The following PUM3 variants were observed in gnomAD, a reference collection of about 807,000 sequenced individuals.
PUM3 encodes pumilio homolog 3.
PUM3 carries 91 observed loss-of-function variants against 84.0 expected under a neutral mutation model. The ratio of observed to expected loss-of-function variants is 1.08; its 90% CI spans 0.91 to 1.29. The LOEUF is 1.29. Among genes scored for constraint, PUM3 ranks in the 50% most tolerant of loss-of-function variants. The pLI is 0.00. For synonymous variants in PUM3, 321 were observed against 266.7 expected (o/e 1.20, Z -1.98); for missense variants, 1,067 against 767.5 (o/e 1.39, Z -4.61).
chr9:2,825,495 T>C (rs1168277053), intron 10 of PUM3, among the ~76,000 whole-genome samples: 2 of 152,146 alleles, frequency 1.3e-5, no homozygotes, highest in African/African-American at 2.4e-5. Flanking sequence ...TTTTCTTTTT[T>C]TTTTGGAGAC....
intron 17 of PUM3, among the ~76,000 whole-genome samples, chr9:2,805,074 T>C (rs888937746): frequency 6.6e-6 from 1 of 152,210 alleles, no homozygotes; most frequent in African/African-American, 2.4e-5. Flanking sequence ...GAGCATGCTA[T>C]GTAAACTCTC....
intron 17 of PUM3, among the ~76,000 whole-genome samples, chr9:2,807,109 G>A (rs1053904639): frequency 3.9e-5 from 6 of 152,090 alleles, no homozygotes; most frequent in African/African-American, 1.4e-4. Flanking sequence ...TCAGGAGGCT[G>A]AGGCAGGAGA....
intron 10 of PUM3, among the ~76,000 whole-genome samples, chr9:2,826,496 C>T (rs933305149): frequency 2.0e-5 from 3 of 152,050 alleles, no homozygotes; most frequent in Admixed American, 1.3e-4. Context: ...TTTCATTATC[C>T]CTTGTGATTG....
intron 16 of PUM3, 38 bp from the exon 17 acceptor site, chr9:2,807,942 T>A (rs1004207306): frequency 1.6e-6 from 2 of 1,263,850 alleles, no homozygotes; most frequent in African/African-American, 2.9e-5. Context: ...CATCACATAA[T>A]AAGATATATA....
At chr9:2,840,267 T>C (rs908721328) in intron 1 of PUM3, among the ~76,000 whole-genome samples, 1 of 152,222 alleles carries the variant, frequency 6.6e-6, no homozygotes, top group East Asian at 1.9e-4. Context: ...AACCTTTCCA[T>C]CTTTATTAGA....
chr9:2,836,524 C>T (rs1312492768), intron 3 of PUM3, among the ~76,000 whole-genome samples: 1 of 152,170 alleles, frequency 6.6e-6, no homozygotes, highest in Non-Finnish European at 1.5e-5. Context: ...AAGCACGAGA[C>T]CTGCCAATAC....
chr9:2,841,612 T>C (rs781433932), intron 1 of PUM3, among the ~76,000 whole-genome samples: 9 of 151,910 alleles, frequency 5.9e-5, no homozygotes, highest in Non-Finnish European at 1.3e-4. Context: ...TCAGACAAGA[T>C]GTTTGGAGAA....
At chr9:2,829,139 A>C (rs1563832721) in intron 8 of PUM3, among the ~76,000 whole-genome samples, 1 of 152,246 alleles carries the variant, frequency 6.6e-6, no homozygotes, top group Non-Finnish European at 1.5e-5. Context: ...TGTTAACAAA[A>C]TTAGTACAGC....
chr9:2,818,104 G>C (rs1182973526), intron 13 of PUM3, among the ~76,000 whole-genome samples: 1 of 152,246 alleles, frequency 6.6e-6, no homozygotes, highest in Admixed American at 6.5e-5. Flanking sequence ...GCAACACTAA[G>C]CTTTCCTGGT....
chr9:2,817,225 C>T (rs776785874), intron 13 of PUM3, among the ~76,000 whole-genome samples: 1 of 152,122 alleles, frequency 6.6e-6, no homozygotes, highest in Non-Finnish European at 1.5e-5. Context: ...GAAAATAAAT[C>T]GCAGTATAGT....
intron 17 of PUM3, among the ~76,000 whole-genome samples, chr9:2,805,101 C>T (rs528697218): frequency 6.6e-6 from 1 of 152,308 alleles, no homozygotes; most frequent in South Asian, 2.1e-4. Flanking sequence ...CTCAGTTTCC[C>T]GAATTGTAGA....
intron 2 of PUM3, 125 bp from the exon 3 acceptor site, chr9:2,837,526 C>T: frequency 1.6e-6 from 1 of 632,384 alleles, no homozygotes; most frequent in Non-Finnish European, 2.7e-6. Flanking sequence ...CTCAAATATG[C>T]AACATATAGC....
Position 2,828,668 on chromosome 9 carries a change from T to C in PUM3, c.956+7A>G. ...TCTTAAGAACAAAACAAAAACAACT[T>C]TCTTACTTTTGGGCCATTGGAGTTA... On this transcript the variant is annotated splice_region_variant and intron_variant, in intron 9 of 17. Transcript: ENST00000397885. The C allele has an allele frequency of 4.6e-6, 7 of 1,513,466 alleles. No homozygotes were observed. The highest frequency in any genetic ancestry group is 6.4e-6 in the Non-Finnish European group (7 of 1,091,932). The allele number at this position is 1,513,466 out of a possible 1,614,324, so 93.8% of individuals were successfully genotyped here.
chr9:2,822,579 T>C (rs1324236172), intron 12 of PUM3, among the ~76,000 whole-genome samples: 1 of 151,584 alleles, frequency 6.6e-6, no homozygotes, highest in Admixed American at 6.6e-5. Context: ...TTTTAAAATG[T>C]TATACTCTTA....
intron 10 of PUM3, 38 bp downstream of exon 10, chr9:2,827,034 CT>C: frequency 6.6e-7 from 1 of 1,520,304 alleles, no homozygotes; most frequent in African/African-American, 1.4e-5. Flanking sequence ...ACCGCTCCTC[CT>C]CCATGTTTTA....
chr9:2,819,819 A>C (rs1366817414), intron 13 of PUM3, among the ~76,000 whole-genome samples, 199 bp downstream of exon 13: 1 of 152,202 alleles, frequency 6.6e-6, no homozygotes, highest in Non-Finnish European at 1.5e-5. Context: ...AAACAGTATT[A>C]ATATCAAGTT....
chr9:2,812,555 A>G (rs748770769), intron 13 of PUM3, among the ~76,000 whole-genome samples, 193 bp from the exon 14 acceptor site: 5 of 152,196 alleles, frequency 3.3e-5, no homozygotes, highest in African/African-American at 4.8e-5. Flanking sequence ...AAAAAAATGA[A>G]TTGATATCTA....
In PUM3 at chr9:2,827,069, T is replaced by A; in HGVS notation, c.1035+4A>T. The A allele has an allele frequency of 6.2e-7, 1 of 1,605,422 alleles. No individual in the cohort carries two copies. Among genetic ancestry groups the A allele is most frequent in the Non-Finnish European group, 8.5e-7 (1 of 1,176,582 alleles). ...TAGTTTAAAAACAAAAACCAAGAAC[T>A]TACTGATCTGAGTTTGGGGGGTGCA... On this transcript the variant is annotated splice_donor_region_variant and intron_variant, in intron 10 of 17. Coordinates refer to ENST00000397885, the MANE Select transcript of PUM3 (RefSeq NM_014878.5).
At chr9:2,811,986 C>T (rs569862858) in intron 14 of PUM3, among the ~76,000 whole-genome samples, 12 of 152,246 alleles carry the variant, frequency 7.9e-5, no homozygotes, top group Non-Finnish European at 1.6e-4. Context: ...AGCCAAACCA[C>T]GCACTTGAAT....
Sources: gnomAD v4.1 joint callset for allele counts (sites outside exome capture counted in the v4.1 genomes callset) on GRCh38, gnomAD v4.1.1 for gene constraint, MANE v1.5 for transcripts, NCBI Gene and HGNC (gene_info 2026-07-23, HGNC 2026-07-21) for gene names.